Variants in ZBTB38 observed in about 807,000 individuals in gnomAD.
ZBTB38 encodes the protein zinc finger and BTB domain-containing protein 38.
A neutral mutation model predicts 76.8 loss-of-function variants in ZBTB38; 20 were observed. The ratio of observed to expected loss-of-function variants is 0.26; its 90% confidence interval spans 0.18 to 0.38. The LOEUF is 0.38. Among genes scored for constraint, ZBTB38 ranks in the 10% least tolerant of loss-of-function variants. The pLI is 1.00. For missense variants in ZBTB38, 1,082 were observed against 1,482.3 expected, an observed-to-expected ratio of 0.73 and a Z score of 4.43; for synonymous variants, 504 against 544.2, an observed-to-expected ratio of 0.93 and a Z score of 1.03.
Position 141,442,878 on chromosome 3 carries a change from ATC to A in ZBTB38, c.491_492del (p.Ile164AsnfsTer12), listed in dbSNP as rs2080542925. The A allele has an allele frequency of 6.2e-7, 1 of 1,614,132 alleles. No homozygotes were observed. Among genetic ancestry groups the A allele is most frequent in the Non-Finnish European group, 8.5e-7 (1 of 1,180,044 alleles). ...EEPAITNGPR[I>X]TNAFSIIETE... Reference sequence around the variant, plus strand: ...ACCAGCCATCACTAATGGGCCAAGGATCACAAATGCATTTTCCATCATCGAAA... The same window carrying A: ...ACCAGCCATCACTAATGGGCCAAGGAACAAATGCATTTTCCATCATCGAAA... On this transcript the variant is annotated frameshift_variant, in exon 6 of 6. Transcript: ENST00000321464. LOFTEE classifies it high-confidence loss of function. This position sits in a 1 kb window ranked among gnomAD's most constrained non-coding sequence, Gnocchi z 6.4.
intron 1 of ZBTB38, among the ~76,000 whole-genome samples, chr3:141,340,549 TAACTC>T (rs760726738): frequency 2.0e-5 from 3 of 152,124 alleles, no homozygotes; most frequent in East Asian, 1.9e-4. Flanking sequence ...AAAAGACAGA[TAACTC>T]AAGTGAAAAA....
intron 1 of ZBTB38, among the ~76,000 whole-genome samples, chr3:141,337,804 C>G (rs13088239): frequency 0.59 from 89,182 of 152,138 alleles, 28,698 homozygotes; most frequent in African/African-American, 0.88. Flanking sequence ...GGAGGTATTA[C>G]TAGCTCATTT....
rs549592073 is a variant in ZBTB38 at position 141,440,640 on chromosome 3, T to G, written c.1-1749T>G. ...TTAGTATGTTCTGTAGACCAGAGGG[T>G]TTTTTTGTGTGTGTGTTTTGTTTGT... is the stretch of plus-strand genomic sequence containing the variant. On this transcript the variant is annotated intron_variant, in intron 5 of 5. Transcript: ENST00000321464. Among the ~76,000 whole-genome samples, 504 of 152,168 alleles carry G rather than the reference T, an allele frequency of 3.3e-3. 1 individual carries two copies. The highest frequency in any genetic ancestry group is 0.011 in the African/African-American group (477 of 41,514).
In ZBTB38 at chr3:141,448,783, G is replaced by A. The variant is rs765655875; in HGVS notation, c.*2807G>A. 1.3e-5 allele frequency: 2 copies of A among 152,070 alleles called. No individual in the cohort carries two copies. The highest frequency in any genetic ancestry group is 2.9e-5 in the Non-Finnish European group (2 of 68,004). The allele number at this position is 152,070 out of a possible 1,614,324, so 9.4% of individuals were successfully genotyped here. ...GTGTGAGTCACAGCTTTGTTTCCAC[G>A]TATTATTCAGTTTATTTCTGTTTCC... On this transcript the variant is annotated 3_prime_UTR_variant, in exon 6 of 6. Coordinates refer to ENST00000321464, the MANE Select transcript of ZBTB38 (RefSeq NM_001376113.1).
rs1237361569 is a variant in ZBTB38 at position 141,446,596 on chromosome 3, C to G, written c.*620C>G. 6.5e-6 allele frequency: 1 copy of G among 152,682 alleles called. No individual in the cohort carries two copies. Among genetic ancestry groups the G allele is most frequent in the Non-Finnish European group, 1.5e-5 (1 of 68,076 alleles). The allele number at this position is 152,682 out of a possible 1,614,324, so 9.5% of individuals were successfully genotyped here. On this transcript the variant is annotated 3_prime_UTR_variant, in exon 6 of 6. Coordinates refer to ENST00000321464, the MANE Select transcript of ZBTB38 (RefSeq NM_001376113.1). ...AACCTTGTAAAATACATATATAAAT[C>G]ACTATAACTTTTAACTGTCCATATC...
Position 141,422,226 on chromosome 3 carries a change from CAG to C in ZBTB38, c.-1+18196_-1+18197del, listed in dbSNP as rs111484574. ...CTGCAGTACTGGGCTACCGTTCACTCAGGGGGACAGCAGAGGCCTCCTGGGTA... is the reference window on the plus strand; with the variant it reads ...CTGCAGTACTGGGCTACCGTTCACTCGGGGACAGCAGAGGCCTCCTGGGTA... On this transcript the variant is annotated intron_variant, in intron 5 of 5. Transcript: ENST00000321464. Among the ~76,000 whole-genome samples the C allele has an allele frequency of 6.0e-4, 92 of 152,344 alleles. 2 individuals carry two copies. Among genetic ancestry groups the C allele is most frequent in the African/African-American group, 1.9e-3 (79 of 41,574 alleles).
intron 5 of ZBTB38, among the ~76,000 whole-genome samples, chr3:141,424,305 G>A (rs2075982589): frequency 6.6e-6 from 1 of 152,096 alleles, no homozygotes; most frequent in Non-Finnish European, 1.5e-5. Context: ...GATCACTTAC[G>A]CCCAGGAGTT....
chr3:141,379,207 T>C (rs1945846266), intron 2 of ZBTB38, among the ~76,000 whole-genome samples: 1 of 152,192 alleles, frequency 6.6e-6, no homozygotes, highest in South Asian at 2.1e-4. Flanking sequence ...ATTAAATTTA[T>C]TGTGAGCTGC....
chr3:141,371,342 C>T (rs752812606), intron 2 of ZBTB38, among the ~76,000 whole-genome samples: 2 of 151,526 alleles, frequency 1.3e-5, no homozygotes, highest in Non-Finnish European at 2.9e-5. Context: ...TGAGCCATAG[C>T]GCCCAGCCGA....
At chr3:141,408,368 A>G (rs1955376722) in intron 5 of ZBTB38, among the ~76,000 whole-genome samples, 2 of 152,172 alleles carry the variant, frequency 1.3e-5, no homozygotes, top group African/African-American at 2.4e-5. Context: ...CCAACGTGGC[A>G]AAACCCCATC....
chr3:141,347,889 T>A (rs1943410701), intron 1 of ZBTB38, among the ~76,000 whole-genome samples: 2 of 152,246 alleles, frequency 1.3e-5, no homozygotes, highest in Non-Finnish European at 2.9e-5. Context: ...AGATTCTCTG[T>A]CACCTGTGTA....
At chr3:141,421,343 T>A (rs2075329837) in intron 5 of ZBTB38, among the ~76,000 whole-genome samples, 1 of 150,096 alleles carries the variant, frequency 6.7e-6, no homozygotes, top group Non-Finnish European at 1.5e-5. Flanking sequence ...GCCAGGTTGG[T>A]CTTGAACTCT....
At chr3:141,368,072 C>T (rs1264983842), upstream of ZBTB38, among the ~76,000 whole-genome samples, 3 of 152,198 alleles carry the variant, frequency 2.0e-5, no homozygotes, top group Non-Finnish European at 4.4e-5. Context: ...TCCACCTTTC[C>T]GCATCTCTTT....
chr3:141,443,552 G>A lies in ZBTB38; in HGVS notation c.1164G>A (p.Arg388=), dbSNP rs1318005355. 1 of 1,614,192 alleles carries A rather than the reference G, an allele frequency of 6.2e-7. No homozygotes were observed. The highest frequency in any genetic ancestry group is 1.7e-5 in the Admixed American group (1 of 60,024). ...KQFTTLNRLD[R]HEQICMRSSH... ...TCACCACCCTGAACAGGTTGGATCG[G>A]CATGAACAGATCTGCATGAGGTCAA... Residue 388 remains arginine (R), a synonymous_variant, in exon 6 of 6, where the codon CGG becomes CGA. Coordinates refer to ENST00000321464, the MANE Select transcript of ZBTB38 (RefSeq NM_001376113.1). This position sits in a 1 kb window ranked among gnomAD's most constrained non-coding sequence, Gnocchi z 5.6.
rs1298071796 is a variant in ZBTB38 at position 141,386,948 on chromosome 3, C to G, written c.-106+11C>G. 2.0e-5 allele frequency: 3 copies of G among 152,694 alleles called. No individual in the cohort carries two copies. Among genetic ancestry groups the G allele is most frequent in the Admixed American group, 2.0e-4 (3 of 15,276 alleles). 9.5% of individuals were successfully genotyped at this position (152,694 alleles called of 1,614,324 possible). On this transcript the variant is annotated intron_variant, in intron 4 of 5. Transcript: ENST00000321464. ...GATACTGCATTTAAGGTGAGCTGTC[C>G]CTTGCCTCCTCCTTCCCCAGTGCTC...
At chr3:141,327,467 CT>C (rs566716312) in intron 1 of ZBTB38, among the ~76,000 whole-genome samples, 152 of 152,278 alleles carry the variant, frequency 1.0e-3, no homozygotes, top group Non-Finnish European at 1.9e-3. Context: ...AAATGTCAGA[CT>C]AAAATTGAAG....
chr3:141,421,192 A>G (rs1184717776), intron 5 of ZBTB38, among the ~76,000 whole-genome samples: 1 of 151,830 alleles, frequency 6.6e-6, no homozygotes, highest in Non-Finnish European at 1.5e-5. Flanking sequence ...GAGGTCAACC[A>G]CTTTAATAAG....
chr3:141,424,431 G>A lies in ZBTB38; in HGVS notation c.1-17958G>A, dbSNP rs371737370. ...AACTACTCAGGATCTGAGATGGGAG[G>A]ATCACTTGAGCCCAGGAGTTCCAGG... On this transcript the variant is annotated intron_variant, in intron 5 of 5. Coordinates refer to ENST00000321464, the MANE Select transcript of ZBTB38 (RefSeq NM_001376113.1). 4.3e-3 allele frequency among the ~76,000 whole-genome samples: 650 copies of A among 152,208 alleles called. 3 individuals are homozygous for A. Among genetic ancestry groups the A allele is most frequent in the African/African-American group, 0.015 (626 of 41,522 alleles).
At chr3:141,378,540 A>G (rs527549056) in intron 2 of ZBTB38, among the ~76,000 whole-genome samples, 3 of 152,366 alleles carry the variant, frequency 2.0e-5, no homozygotes, top group South Asian at 4.1e-4. Context: ...TGTACGTCTT[A>G]TGCTATTTCA....
Sources: allele counts gnomAD v4.1 joint callset (sites outside exome capture counted in the v4.1 genomes callset), GRCh38; gene constraint gnomAD v4.1.1; non-coding constraint Gnocchi (gnomAD v3.1); transcripts MANE v1.5; gene names NCBI Gene and HGNC (gene_info 2026-07-23, HGNC 2026-07-21).